Variants in CNTN6 observed in about 807,000 individuals in gnomAD.
The protein encoded by CNTN6 is contactin 6.
In CNTN6, 137 loss-of-function variants were observed where a neutral mutation model predicts 122.8. The observed-to-expected ratio is 1.12, with a 90% CI of 0.97 to 1.29. The LOEUF (loss-of-function observed/expected upper bound fraction) is 1.29, where lower values mean the gene tolerates loss of function less well. CNTN6 is among the 50% of genes most tolerant of loss of function. The pLI is 0.00. For synonymous variants in CNTN6, 570 were observed against 426.0 expected (o/e 1.34, Z -4.16); for missense variants, 1,634 against 1,223.4 (o/e 1.34, Z -5.01).
chr3:1,147,868 C>T, intron 1 of CNTN6, 59 bp from the exon 2 acceptor site: 1 of 553,006 alleles, frequency 1.8e-6, no homozygotes, highest in Non-Finnish European at 3.3e-6. Context: ...CAAAAATATG[C>T]TTATTAAAAT....
rs1695982827 is a variant in CNTN6 at position 1,403,398 on chromosome 3, G to C, written c.3067G>C (p.Ala1023Pro). The C allele has an allele frequency of 1.2e-6, 2 of 1,608,066 alleles. No homozygotes were observed. The highest frequency in any genetic ancestry group is 1.3e-5 in the African/African-American group (1 of 74,632). Residue 1023 changes from alanine to proline, a missense_variant, in exon 23 of 23, where the codon GCT becomes CCT. Coordinates refer to ENST00000446702, the MANE Select transcript of CNTN6 (RefSeq NM_001289080.2). ...TGTCATTGTGATTTTTCACTGTTTT[G>C]CTATTCAGCCACTTATCTGATGAAT... ...SIVIVIFHCF[A>P]IQPLI
At chr3:1,311,789 AT>A (rs1465291830) in intron 7 of CNTN6, among the ~76,000 whole-genome samples, 2 of 151,670 alleles carry the variant, frequency 1.3e-5, no homozygotes, top group East Asian at 1.9e-4. Flanking sequence ...TTGTTTGTAA[AT>A]TTTTTTAATT....
intron 2 of CNTN6, among the ~76,000 whole-genome samples, chr3:1,174,050 C>T (rs1357124138): frequency 6.6e-6 from 1 of 152,212 alleles, no homozygotes; most frequent in Non-Finnish European, 1.5e-5. Context: ...TTCATTGCTA[C>T]TTAACTTTGT....
chr3:1,247,897 A>G (rs2094604761), intron 4 of CNTN6, among the ~76,000 whole-genome samples: 1 of 152,202 alleles, frequency 6.6e-6, no homozygotes, highest in Non-Finnish European at 1.5e-5. Flanking sequence ...CTACCACTAT[A>G]GCCAATGTCA....
chr3:1,269,052 C>A (rs557941845), intron 4 of CNTN6, among the ~76,000 whole-genome samples: 1 of 152,230 alleles, frequency 6.6e-6, no homozygotes, highest in Non-Finnish European at 1.5e-5. Context: ...GCCCTCGTAT[C>A]ATCAGTAATG....
intron 1 of CNTN6, among the ~76,000 whole-genome samples, chr3:1,100,582 GC>G (rs2090835141): frequency 6.6e-6 from 1 of 151,766 alleles, no homozygotes; most frequent in South Asian, 2.1e-4. Flanking sequence ...TTTCAATCTT[GC>G]GTCTTTTAAA....
chr3:1,218,381 T>C (rs1334048962), intron 2 of CNTN6, among the ~76,000 whole-genome samples: 1 of 152,106 alleles, frequency 6.6e-6, no homozygotes, highest in African/African-American at 2.4e-5. Flanking sequence ...TGTAGGAATA[T>C]GTCTGTGTAC....
At position 1,332,070 on chromosome 3, in the gene CNTN6, A is replaced by T. The variant is rs569788655; in HGVS notation, c.1364+2135A>T. 3.9e-5 allele frequency among the ~76,000 whole-genome samples: 6 copies of T among 151,998 alleles called. No individual in the cohort carries two copies. In the South Asian group the frequency reaches 1.2e-3, roughly 32 times the overall value. ...CATTATTCTTTCATTCTATCTTTTCATTGCTTCAGGGTTTCACTGCAGGTC... is the reference window on the plus strand; with the variant it reads ...CATTATTCTTTCATTCTATCTTTTCTTTGCTTCAGGGTTTCACTGCAGGTC... On this transcript the variant is annotated intron_variant, in intron 11 of 22. Transcript: ENST00000446702.
At chr3:1,281,615 C>A (rs1487402413) in intron 5 of CNTN6, among the ~76,000 whole-genome samples, 1 of 152,066 alleles carries the variant, frequency 6.6e-6, no homozygotes, top group Non-Finnish European at 1.5e-5. Context: ...CAGGCACGTG[C>A]CACCATGAAC....
At chr3:1,314,213 G>A (rs1486893928) in intron 7 of CNTN6, among the ~76,000 whole-genome samples, 1 of 151,996 alleles carries the variant, frequency 6.6e-6, no homozygotes, top group Non-Finnish European at 1.5e-5. Context: ...TACATTCCAA[G>A]CTCTTTGTAT....
At chr3:1,266,547 C>T (rs900731962) in intron 4 of CNTN6, among the ~76,000 whole-genome samples, 3 of 152,184 alleles carry the variant, frequency 2.0e-5, no homozygotes, top group Non-Finnish European at 4.4e-5. Flanking sequence ...GGAGCTCTGT[C>T]CCATTACCTC....
intron 1 of CNTN6, among the ~76,000 whole-genome samples, chr3:1,101,565 G>T (rs1380574202): frequency 6.6e-6 from 1 of 152,020 alleles, no homozygotes; most frequent in Non-Finnish European, 1.5e-5. Flanking sequence ...TTTTTATCAG[G>T]TACTCTTATG....
In CNTN6 at chr3:1,297,891, G is replaced by A. The variant is rs756569324; in HGVS notation, c.661G>A (p.Val221Met). The change falls in exon 7 of 23, where the codon GTG becomes ATG. Residue 221 changes from valine to methionine, a missense_variant and splice_region_variant. Transcript: ENST00000446702. ...CTAGCTCTTTTGATATTTAACAGGT[G>A]TGATGGGGGAATATGAACCAAAGAT... ...PTPLVQRTDG[V>M]MGEYEPKIEV... is the part of the protein sequence containing the mutation. 4 of 1,609,494 alleles carry A rather than the reference G, an allele frequency of 2.5e-6. No homozygotes were observed. The highest frequency in any genetic ancestry group is 3.4e-6 in the Non-Finnish European group (4 of 1,177,156).
intron 7 of CNTN6, among the ~76,000 whole-genome samples, chr3:1,315,216 T>C (rs1275079190): frequency 6.6e-6 from 1 of 152,006 alleles, no homozygotes; most frequent in East Asian, 1.9e-4. Context: ...ATATATTAAC[T>C]TTTCATTTTA....
At chr3:1,093,793 G>A (rs2090369529) in intron 1 of CNTN6, among the ~76,000 whole-genome samples, 1 of 152,158 alleles carries the variant, frequency 6.6e-6, no homozygotes, top group Non-Finnish European at 1.5e-5. Context: ...AAAACTTTCA[G>A]AAGTTGATGA....
intron 2 of CNTN6, among the ~76,000 whole-genome samples, chr3:1,204,348 G>C (rs1252251139): frequency 6.6e-6 from 1 of 152,268 alleles, no homozygotes; most frequent in East Asian, 1.9e-4. Context: ...ATTTTTCAAA[G>C]GTTAATGTTG....
At chr3:1,235,147 G>A (rs527554999) in intron 4 of CNTN6, among the ~76,000 whole-genome samples, 2 of 152,068 alleles carry the variant, frequency 1.3e-5, no homozygotes, top group Non-Finnish European at 2.9e-5. Flanking sequence ...TATTCAGCAG[G>A]AGCTAGTCTT....
chr3:1,156,221 C>G (rs968144334), intron 2 of CNTN6, among the ~76,000 whole-genome samples: 17 of 152,272 alleles, frequency 1.1e-4, no homozygotes, highest in African/African-American at 4.1e-4. Context: ...TTATTAAAGG[C>G]AAATCCAATC....
chr3:1,182,602 GTTT>G (rs772899306), intron 2 of CNTN6, among the ~76,000 whole-genome samples: 2 of 144,856 alleles, frequency 1.4e-5, no homozygotes, highest in South Asian at 4.3e-4. Flanking sequence ...CTTTTCCTTA[GTTT>G]TTTTTTTTTA....
Sources: gnomAD v4.1 joint callset for allele counts (sites outside exome capture counted in the v4.1 genomes callset) on GRCh38, gnomAD v4.1.1 for gene constraint, MANE v1.5 for transcripts, NCBI Gene and HGNC (gene_info 2026-07-23, HGNC 2026-07-21) for gene names.